DEPDC7: variants seen among roughly 807,000 people sequenced by gnomAD.
DEPDC7 encodes the protein DEP domain containing 7, also known as DEP domain-containing protein 7.
DEPDC7 carries 41 observed loss-of-function variants against 56.6 expected under a neutral mutation model. The ratio of observed to expected loss-of-function variants is 0.72; its 90% CI spans 0.56 to 0.94. The LOEUF is 0.94. Among genes scored for constraint, DEPDC7 ranks in the 40% least tolerant of loss-of-function variants. The pLI is 0.00. For missense variants in DEPDC7, 522 were observed against 596.3 expected (o/e 0.88, Z 1.30); for synonymous variants, 185 against 208.8 (o/e 0.89, Z 0.98).
chr11:33,031,523 T>G lies in DEPDC7; in HGVS notation c.928T>G (p.Tyr310Asp). 6.2e-7 allele frequency: 1 copy of G among 1,614,154 alleles called. No homozygotes were observed. Among genetic ancestry groups the G allele is most frequent in the Non-Finnish European group, 8.5e-7 (1 of 1,179,988 alleles). ...TCTGTTTGATGCCATTGGCAGATAT[T>G]ACAGTAGTAGGGAACCTCTGTTAAA... ...ELLFDAIGRY[Y>D]SSREPLLNHL... Residue 310 changes from tyrosine to aspartate, a missense_variant, in exon 5 of 9, where the codon TAC becomes GAC. By Grantham distance (160) the Tyr-to-Asp change is radical (BLOSUM62 -3). Coordinates refer to ENST00000241051, the MANE Select transcript of DEPDC7 (RefSeq NM_001077242.2).
Position 33,015,941 on chromosome 11 carries a change from C to G in DEPDC7, c.-15C>G. On this transcript the variant is annotated 5_prime_UTR_variant, in exon 1 of 9. Transcript: ENST00000241051. Reference sequence around the variant, plus strand: ...TGAAGCTGCTGGAGGAGTTGGCGTCCGGGGAGCAAGGGCCATGGCCACCGT... The same window carrying G: ...TGAAGCTGCTGGAGGAGTTGGCGTCGGGGGAGCAAGGGCCATGGCCACCGT... The G allele has an allele frequency of 6.4e-7, 1 of 1,567,782 alleles. No individual in the cohort carries two copies. The highest frequency in any genetic ancestry group is 8.6e-7 in the Non-Finnish European group (1 of 1,157,250).
At chr11:33,025,208 C>T (rs1189534296) in intron 1 of DEPDC7, among the ~76,000 whole-genome samples, 3 of 152,116 alleles carry the variant, frequency 2.0e-5, no homozygotes, top group Non-Finnish European at 4.4e-5. Flanking sequence ...CACCTCAGGG[C>T]ATTTGCTCTT....
intron 1 of DEPDC7, among the ~76,000 whole-genome samples, chr11:33,023,722 G>A (rs1345013516): frequency 6.6e-6 from 1 of 152,018 alleles, no homozygotes; most frequent in Non-Finnish European, 1.5e-5. Context: ...TAGTAGAGAG[G>A]GTTTCACCAC....
At chr11:33,031,773 A>T (rs949518367) in intron 5 of DEPDC7, among the ~76,000 whole-genome samples, 184 bp downstream of exon 5, 2 of 152,226 alleles carry the variant, frequency 1.3e-5, no homozygotes, top group Admixed American at 1.3e-4. Flanking sequence ...CAAGCTCTAA[A>T]GTTATGCAGA....
chr11:33,026,793 CTTTT>C (rs75177197), intron 2 of DEPDC7: 1 of 107,594 alleles, frequency 9.3e-6, no homozygotes, highest in South Asian at 2.6e-4. Flanking sequence ...CTTTTCTTTT[CTTTT>C]TTTTCCTGTG....
chr11:33,021,945 G>A (rs748492868), intron 1 of DEPDC7, among the ~76,000 whole-genome samples: 1 of 152,066 alleles, frequency 6.6e-6, no homozygotes, highest in African/African-American at 2.4e-5. Context: ...ACTCATTGAG[G>A]CCAAATATCC....
At chr11:33,016,690 C>G (rs1296022349) in intron 1 of DEPDC7, 1 of 1,085,434 alleles carries the variant, frequency 9.2e-7, no homozygotes, top group Non-Finnish European at 1.4e-6. Context: ...AATTCTGCCA[C>G]GGGCCTAATC....
chr11:33,032,647 A>G, intron 6 of DEPDC7, 21 bp from the exon 7 acceptor site: 6 of 1,503,866 alleles, frequency 4.0e-6, no homozygotes, highest in Non-Finnish European at 5.4e-6. Context: ...ACTATTGGAT[A>G]TATTTGTTTT....
chr11:33,022,011 C>T (rs1334061337), intron 1 of DEPDC7, among the ~76,000 whole-genome samples: 1 of 152,148 alleles, frequency 6.6e-6, no homozygotes, highest in African/African-American at 2.4e-5. Context: ...AGTGACTCAG[C>T]CTTGTCATTT....
At chr11:33,018,801 C>T (rs1853491880) in intron 1 of DEPDC7, among the ~76,000 whole-genome samples, 1 of 152,192 alleles carries the variant, frequency 6.6e-6, no homozygotes. Context: ...CTTCCAGGAT[C>T]CCATCCAAGA....
rs151112215 is a variant in DEPDC7 at position 33,033,479 on chromosome 11, T to G, written c.*24T>G. 1.4e-6 allele frequency: 2 copies of G among 1,410,646 alleles called. No individual in the cohort carries two copies. 87.4% of individuals were successfully genotyped at this position (1,410,646 alleles called of 1,614,324 possible). A position where few individuals can be genotyped will look rare whatever the true frequency, so the allele number is the denominator to read the frequency against. On this transcript the variant is annotated 3_prime_UTR_variant, in exon 9 of 9. Coordinates refer to ENST00000241051, the MANE Select transcript of DEPDC7 (RefSeq NM_001077242.2). ...GAGTTTTTAATATCTGTATATAAGT[T>G]GTGTATTTTAAGAATAAATTATGTA... is the stretch of plus-strand genomic sequence containing the variant.
rs151112215 is a variant in DEPDC7 at position 33,033,479 on chromosome 11, T to C, written c.*24T>C. 132 of 1,410,646 alleles carry C rather than the reference T, an allele frequency of 9.4e-5. No homozygotes were observed. The highest frequency in any genetic ancestry group is 1.2e-4 in the Non-Finnish European group (124 of 1,046,710). 87.4% of individuals were successfully genotyped at this position (1,410,646 alleles called of 1,614,324 possible). ...GAGTTTTTAATATCTGTATATAAGTTGTGTATTTTAAGAATAAATTATGTA... is the reference window on the plus strand; with the variant it reads ...GAGTTTTTAATATCTGTATATAAGTCGTGTATTTTAAGAATAAATTATGTA... On this transcript the variant is annotated 3_prime_UTR_variant, in exon 9 of 9. Transcript: ENST00000241051.
At position 33,025,641 on chromosome 11, in the gene DEPDC7, T is replaced by C. The variant is rs1194173253; in HGVS notation, c.74-18T>C. 2.5e-6 allele frequency: 4 copies of C among 1,585,760 alleles called. No individual in the cohort carries two copies. Among genetic ancestry groups the C allele is most frequent in the Non-Finnish European group, 3.4e-6 (4 of 1,163,194 alleles). ...AAGGTACTAAATCCCAGTTTCTCTA[T>C]GATTTTTCTCCTTCTAGGTTTCAGT... On this transcript the variant is annotated intron_variant, in intron 1 of 8. Coordinates refer to ENST00000241051, the MANE Select transcript of DEPDC7 (RefSeq NM_001077242.2).
intron 4 of DEPDC7, among the ~76,000 whole-genome samples, chr11:33,030,379 C>G (rs747731070): frequency 6.6e-6 from 1 of 152,058 alleles, no homozygotes; most frequent in Non-Finnish European, 1.5e-5. Context: ...CCTGAGATAC[C>G]TCACCTGGCT....
At chr11:33,016,641 T>TA (rs1374589534) in intron 1 of DEPDC7, 8 of 1,575,074 alleles carry the variant, frequency 5.1e-6, no homozygotes, top group Middle Eastern at 1.7e-4. Context: ...AGTTTTTGGC[T>TA]AAAAAAACAG....
Position 33,025,706 on chromosome 11 carries a change from A to G in DEPDC7, c.121A>G (p.Ser41Gly). 1 of 1,614,042 alleles carries G rather than the reference A, an allele frequency of 6.2e-7. No homozygotes were observed. Among genetic ancestry groups the G allele is most frequent in the Non-Finnish European group, 8.5e-7 (1 of 1,179,862 alleles). ...KPFGATYVWS[S>G]IINTLQTQVE... ...ATTTGGAGCCACGTATGTATGGAGC[A>G]GCATCATAAACACTCTTCAAACACA... The change falls in exon 2 of 9, where the codon AGC (serine) becomes GGC (glycine). Residue 41 changes from serine to glycine, a missense_variant. Coordinates refer to ENST00000241051, the MANE Select transcript of DEPDC7 (RefSeq NM_001077242.2).
At chr11:33,026,273 C>T in intron 2 of DEPDC7, 1 of 557,500 alleles carries the variant, frequency 1.8e-6, no homozygotes, top group South Asian at 2.0e-5. Flanking sequence ...TTTGATTTTC[C>T]TGCTTCAGGT....
intron 1 of DEPDC7, chr11:33,016,436 C>T: frequency 6.4e-7 from 1 of 1,561,886 alleles, no homozygotes; most frequent in Non-Finnish European, 8.6e-7. Flanking sequence ...CAAACCTTGA[C>T]GACACAGTAT....
intron 4 of DEPDC7, among the ~76,000 whole-genome samples, 180 bp downstream of exon 4, chr11:33,028,972 T>C (rs189549211): frequency 3.9e-5 from 6 of 152,184 alleles, no homozygotes; most frequent in Admixed American, 6.6e-5. Context: ...AAAAGATTTG[T>C]TTCATTTTTC....
Sources: allele counts gnomAD v4.1 joint callset (sites outside exome capture counted in the v4.1 genomes callset), GRCh38; gene constraint gnomAD v4.1.1; transcripts MANE v1.5; gene names NCBI Gene and HGNC (gene_info 2026-07-23, HGNC 2026-07-21).